TXNDC11: variants seen among roughly 807,000 people sequenced by gnomAD.
TXNDC11 encodes thioredoxin domain-containing protein 11.
In TXNDC11, 68 loss-of-function variants were observed where a neutral mutation model predicts 78.0. That is an observed-to-expected ratio of 0.87 (90% CI 0.72 to 1.07). The LOEUF is 1.07. Ranked by LOEUF, TXNDC11 falls within the 50% of genes least tolerant of loss-of-function variation. The pLI is 0.00. For synonymous variants in TXNDC11, 571 were observed against 495.2 expected (o/e 1.15, Z -2.03); for missense variants, 1,389 against 1,221.8 (o/e 1.14, Z -2.04).
intron 1 of TXNDC11, chr16:11,741,895 T>G (rs1166698474): frequency 1.3e-5 from 2 of 151,986 alleles, no homozygotes; most frequent in Non-Finnish European, 2.9e-5. Context: ...TAGCCAGGCG[T>G]GGTGGCGCGC....
chr16:11,736,192 C>A lies in TXNDC11; in HGVS notation c.296G>T (p.Ser99Ile). Residue 99 changes from serine to isoleucine, a missense_variant, in exon 2 of 12, where the codon AGC becomes ATC. Transcript: ENST00000283033. Reference protein sequence around the residue: ...DVIIPAKPPVSFFSLRSPVLD... With the variant: ...DVIIPAKPPVIFFSLRSPVLD... ...GACTGGAGACCTCAAGGAGAAAAAG[C>A]TGACAGGTGGCTTTGCTGGTATTAT... 1 of 1,613,910 alleles carries A rather than the reference C, an allele frequency of 6.2e-7. No homozygotes were observed. The highest frequency in any genetic ancestry group is 8.5e-7 in the Non-Finnish European group (1 of 1,179,892).
chr16:11,735,819 CCA>C (rs992437062), intron 2 of TXNDC11, among the ~76,000 whole-genome samples, 196 bp downstream of exon 2: 7 of 152,300 alleles, frequency 4.6e-5, no homozygotes, highest in Non-Finnish European at 1.0e-4. Flanking sequence ...GAATCTGCTC[CCA>C]CACTTGCCTT....
chr16:11,700,604 T>C (rs374151436), intron 5 of TXNDC11, 40 bp from the exon 6 acceptor site: 7 of 1,023,970 alleles, frequency 6.8e-6, no homozygotes, highest in Non-Finnish European at 1.1e-5. Flanking sequence ...AAAAGGCCTG[T>C]GCCTTAAAAC....
Position 11,684,167 on chromosome 16 carries a change from G to C in TXNDC11, c.2232C>G (p.Asn744Lys). The change falls in exon 11 of 12, where the codon AAC becomes AAG. Residue 744 changes from asparagine (N) to lysine (K), a missense_variant and splice_region_variant. Transcript: ENST00000283033. Reference protein sequence around the residue: ...RLPTVLFFPCNRKDLSVKYPE... With the variant: ...RLPTVLFFPCKRKDLSVKYPE... ...CAGTGACAAAAATTTGGCATTACCT[G>C]TTGCAGGGAAAAAACAAGACAGTAG... 1 of 1,613,296 alleles carries C rather than the reference G, an allele frequency of 6.2e-7. No individual in the cohort carries two copies. The highest frequency in any genetic ancestry group is 8.5e-7 in the Non-Finnish European group (1 of 1,179,454).
At chr16:11,688,471 AACTCTCCTCTAGAT>A in intron 8 of TXNDC11, 26 bp from the exon 9 acceptor site, 1 of 1,576,922 alleles carries the variant, frequency 6.3e-7, no homozygotes, top group East Asian at 2.2e-5. Flanking sequence ...AAATGAGATC[AACTCTCCTCTAGAT>A]ACAAAGAGAA....
intron 7 of TXNDC11, among the ~76,000 whole-genome samples, chr16:11,694,606 C>G (rs1302305637): frequency 6.6e-6 from 1 of 151,948 alleles, no homozygotes; most frequent in Non-Finnish European, 1.5e-5. Context: ...CACCACCATG[C>G]CTGGCTAATT....
intron 5 of TXNDC11, 25 bp downstream of exon 5, chr16:11,721,552 T>C: frequency 7.6e-7 from 1 of 1,307,538 alleles, no homozygotes; most frequent in East Asian, 2.4e-5. Context: ...GAAGTAACAA[T>C]GTCTTAATAT....
At chr16:11,691,134 T>C (rs1356908274) in intron 8 of TXNDC11, 156 bp downstream of exon 8, 42 of 640,500 alleles carry the variant, frequency 6.6e-5, no homozygotes, top group Non-Finnish European at 1.0e-4. Flanking sequence ...ATTAGCTTCT[T>C]TGAAAATTAT....
rs3743588 is a variant in TXNDC11, at chr16:11,742,652, G to A, written c.79C>T (p.Pro27Ser). 402,003 of 1,457,602 alleles carry A rather than the reference G, an allele frequency of 0.28. 58,585 individuals carry two copies. Among genetic ancestry groups the A allele is most frequent in the Admixed American group, 0.44 (17,401 of 39,224 alleles). 90.3% of individuals were successfully genotyped at this position (1,457,602 alleles called of 1,614,324 possible). Residue 27 changes from proline (P) to serine (S), a missense_variant, in exon 1 of 12, where the codon CCC (proline) becomes TCC (serine). By Grantham distance (74) the Pro-to-Ser change is moderately conservative. Transcript: ENST00000283033. ...GAGCTGAGGCAGTCTGAGCCCGCGG[G>A]GCCGCCGCCGCCCCCTCCCTCGTCC... The part of the protein sequence containing the change: ...AEDEGGGGGG[P>S]AGSDCLSSSP...
intron 5 of TXNDC11, among the ~76,000 whole-genome samples, chr16:11,703,247 A>G (rs1423475672): frequency 5.3e-5 from 8 of 152,234 alleles, no homozygotes; most frequent in Non-Finnish European, 1.5e-5. Flanking sequence ...TCTTGACTGG[A>G]TGCTGTAAAA....
Position 11,742,773 on chromosome 16 carries a change from C to T in TXNDC11, c.-43G>A, listed in dbSNP as rs772660432. On this transcript the variant is annotated 5_prime_UTR_variant, in exon 1 of 12. Transcript: ENST00000283033. ...CGGCTTTATACCGCCGCCGCCGCCT[C>T]GGGCCCGAAGGCCCGGCCCGGCCCG... The T allele has an allele frequency of 1.4e-6, 2 of 1,417,810 alleles. No individual in the cohort carries two copies. The highest frequency in any genetic ancestry group is 2.9e-5 in the Admixed American group (1 of 34,836). The allele number at this position is 1,417,810 out of a possible 1,614,324, so 87.8% of individuals were successfully genotyped here.
At chr16:11,709,592 G>A (rs2051283581) in intron 5 of TXNDC11, among the ~76,000 whole-genome samples, 2 of 151,428 alleles carry the variant, frequency 1.3e-5, no homozygotes, top group Admixed American at 6.6e-5. Context: ...CCGCTACCAT[G>A]CCCGGCTAAT....
rs144183944 is a variant in TXNDC11, at chr16:11,694,961, A to G, written c.1108-2879T>C. Among the ~76,000 whole-genome samples the G allele has an allele frequency of 2.2e-3, 330 of 152,356 alleles. 4 individuals carry two copies. The highest frequency in any genetic ancestry group is 7.6e-3 in the African/African-American group (316 of 41,584). ...GTAGATGTTTCCTTCTATTTTCTTT[A>G]ATCAGGGAAATCTGTGAGCCTGAAC... On this transcript the variant is annotated intron_variant, in intron 7 of 11. Coordinates refer to ENST00000283033, the MANE Select transcript of TXNDC11 (RefSeq NM_015914.7).
intron 1 of TXNDC11, among the ~76,000 whole-genome samples, chr16:11,738,207 T>C (rs2052284482): frequency 6.6e-6 from 1 of 152,234 alleles, no homozygotes; most frequent in African/African-American, 2.4e-5. Context: ...GCACTATGAC[T>C]GCATTTATAT....
intron 4 of TXNDC11, among the ~76,000 whole-genome samples, chr16:11,723,081 A>C (rs927591913): frequency 6.6e-6 from 1 of 151,734 alleles, no homozygotes; most frequent in Non-Finnish European, 1.5e-5. Flanking sequence ...ACATGGTAAA[A>C]CTCTGTCTCT....
At chr16:11,714,067 G>T (rs1421604732) in intron 5 of TXNDC11, among the ~76,000 whole-genome samples, 17 of 151,556 alleles carry the variant, frequency 1.1e-4, no homozygotes, top group African/African-American at 3.6e-4. Context: ...TTGAGACAAG[G>T]TCTCACTTTC....
intron 4 of TXNDC11, among the ~76,000 whole-genome samples, chr16:11,728,735 G>A (rs941726492): frequency 6.6e-6 from 1 of 152,040 alleles, no homozygotes; most frequent in African/African-American, 2.4e-5. Context: ...CGCTTGAGCC[G>A]AGTTCATGCC....
At chr16:11,721,807 C>T (rs1471537843) in intron 4 of TXNDC11, 137 bp from the exon 5 acceptor site, 1 of 515,328 alleles carries the variant, frequency 1.9e-6, no homozygotes, top group East Asian at 3.7e-5. Context: ...AAAGCCTAAG[C>T]ACATGATAAA....
intron 5 of TXNDC11, 127 bp from the exon 6 acceptor site, chr16:11,700,691 A>G (rs552151954): frequency 8.8e-6 from 5 of 568,518 alleles, no homozygotes; most frequent in African/African-American, 7.6e-5. Context: ...TAGCCTAGAG[A>G]GGGAAGGAAG....
Sources: gnomAD v4.1 joint callset for allele counts (sites outside exome capture counted in the v4.1 genomes callset) on GRCh38, gnomAD v4.1.1 for gene constraint, MANE v1.5 for transcripts, NCBI Gene and HGNC (gene_info 2026-07-23, HGNC 2026-07-21) for gene names.